PTPRN2: variants seen among roughly 807,000 people sequenced by gnomAD.
PTPRN2 encodes receptor-type tyrosine-protein phosphatase N2.
Under a neutral mutation model 118.8 loss-of-function variants are expected in PTPRN2, and 74 were observed. The ratio of observed to expected loss-of-function variants is 0.62; its 90% CI spans 0.52 to 0.76. PTPRN2 has a LOEUF of 0.76. PTPRN2 is among the 30% of genes least tolerant of loss of function. PTPRN2 has a pLI of 0.00. For missense variants in PTPRN2, 1,481 were observed against 1,394.4 expected (o/e 1.06, Z -0.99); for synonymous variants, 641 against 608.0 (o/e 1.05, Z -0.80).
intron 10 of PTPRN2, among the ~76,000 whole-genome samples, chr7:158,085,605 C>T (rs1390979698): frequency 1.5e-5 from 2 of 133,288 alleles, no homozygotes; most frequent in African/African-American, 2.9e-5. Context: ...CCCATCCACA[C>T]CCACGACGCC....
chr7:158,207,990 A>G (rs1827292131), intron 3 of PTPRN2, among the ~76,000 whole-genome samples: 1 of 152,260 alleles, frequency 6.6e-6, no homozygotes, highest in Non-Finnish European at 1.5e-5. Context: ...GTTGAAAAAC[A>G]TAACTGACCC....
intron 1 of PTPRN2, among the ~76,000 whole-genome samples, chr7:158,515,433 C>T (rs1317640606): frequency 2.6e-5 from 4 of 152,024 alleles, no homozygotes; most frequent in South Asian, 2.1e-4. Flanking sequence ...GTGATCAGCC[C>T]GCCTCAGCCT....
At chr7:158,042,352 T>C (rs1808536212) in intron 11 of PTPRN2, among the ~76,000 whole-genome samples, 1 of 152,166 alleles carries the variant, frequency 6.6e-6, no homozygotes, top group Admixed American at 6.5e-5. Flanking sequence ...CCATCAATGG[T>C]GAGCCGCTTC....
intron 1 of PTPRN2, among the ~76,000 whole-genome samples, chr7:158,587,152 G>GA (rs1828992692): frequency 8.1e-5 from 1 of 12,334 alleles, no homozygotes; most frequent in African/African-American, 3.1e-4. Flanking sequence ...CTCCCCACCC[G>GA]CCCCGTCACT....
At chr7:157,749,821 T>G (rs867628055) in intron 12 of PTPRN2, among the ~76,000 whole-genome samples, 1 of 60,084 alleles carries the variant, frequency 1.7e-5, no homozygotes, top group Non-Finnish European at 3.2e-5. Context: ...CTGGGTGATT[T>G]TGAGGCCTGC....
chr7:158,557,540 C>T (rs576306063), intron 1 of PTPRN2, among the ~76,000 whole-genome samples: 21 of 152,368 alleles, frequency 1.4e-4, no homozygotes, highest in South Asian at 4.1e-4. Context: ...TCACGGCCGC[C>T]GCTCCGCTCA....
chr7:158,531,231 G>A (rs1271771038), intron 1 of PTPRN2, among the ~76,000 whole-genome samples: 1 of 152,168 alleles, frequency 6.6e-6, no homozygotes, highest in Non-Finnish European at 1.5e-5. Context: ...CAGCGCTCAG[G>A]TAACGGCTTC....
At chr7:157,960,633 T>C (rs1801464007) in intron 11 of PTPRN2, among the ~76,000 whole-genome samples, 1 of 152,220 alleles carries the variant, frequency 6.6e-6, no homozygotes, top group South Asian at 2.1e-4. Flanking sequence ...AAATTATTCA[T>C]CCGTTAAAAT....
Position 157,622,689 on chromosome 7 carries a change from G to A in PTPRN2, c.2197-1180C>T, listed in dbSNP as rs80012374. 5.7e-3 allele frequency among the ~76,000 whole-genome samples: 870 copies of A among 152,302 alleles called. 10 individuals carry two copies. The highest frequency in any genetic ancestry group is 0.02 in the African/African-American group (822 of 41,556). On this transcript the variant is annotated intron_variant, in intron 14 of 22. Coordinates refer to ENST00000389418, the MANE Select transcript of PTPRN2 (RefSeq NM_002847.5). This position sits in a 1 kb window ranked among gnomAD's most constrained non-coding sequence, Gnocchi z 5.3. ...CATCGGGCACCTGTGCTGTTTGCGCGACACCCCCGCATCTGGGTGGGTGTG... is the reference window on the plus strand; with the variant it reads ...CATCGGGCACCTGTGCTGTTTGCGCAACACCCCCGCATCTGGGTGGGTGTG...
chr7:158,394,940 C>T (rs930215486), intron 2 of PTPRN2, among the ~76,000 whole-genome samples: 2 of 152,216 alleles, frequency 1.3e-5, no homozygotes, highest in Non-Finnish European at 2.9e-5. Flanking sequence ...ACGCGTCAGC[C>T]AGAGAAAGCC....
chr7:158,246,564 G>T (rs1027036021), intron 3 of PTPRN2, among the ~76,000 whole-genome samples: 3 of 151,310 alleles, frequency 2.0e-5, no homozygotes, highest in Non-Finnish European at 4.4e-5. Context: ...TTGTCCACGG[G>T]ATTTTTCAAA....
At chr7:157,718,093 CT>C (rs1481812971) in intron 12 of PTPRN2, among the ~76,000 whole-genome samples, 1 of 152,208 alleles carries the variant, frequency 6.6e-6, no homozygotes, top group Non-Finnish European at 1.5e-5. Context: ...TATAAATTAC[CT>C]TTTGTAATCT....
chr7:158,236,540 C>G (rs559959755), intron 3 of PTPRN2, among the ~76,000 whole-genome samples: 1 of 152,146 alleles, frequency 6.6e-6, no homozygotes, highest in Non-Finnish European at 1.5e-5. Context: ...CAGTCTGATC[C>G]CAGTCTGACA....
chr7:158,005,407 G>A (rs1265433757), intron 11 of PTPRN2, among the ~76,000 whole-genome samples: 1 of 152,098 alleles, frequency 6.6e-6, no homozygotes, highest in Non-Finnish European at 1.5e-5. Flanking sequence ...AGCTTATGGT[G>A]GCGAATATGG....
At chr7:157,547,750 G>A (rs922908882) in intron 22 of PTPRN2, among the ~76,000 whole-genome samples, 5 of 152,172 alleles carry the variant, frequency 3.3e-5, no homozygotes, top group Admixed American at 1.3e-4. Flanking sequence ...CCGCTCCCTC[G>A]TGAGGGACAG....
At position 157,953,283 on chromosome 7, in the gene PTPRN2, C is replaced by T. The variant is rs1025108597; in HGVS notation, c.1724-54546G>A. ...AGGAGAGCCGGGTGTGAGAAGCCTC[C>T]TTCCTAGGGCCTGTGTCTCTGGAGT... is the stretch of plus-strand genomic sequence containing the variant. On this transcript the variant is annotated intron_variant, in intron 11 of 22. Transcript: ENST00000389418. The surrounding 1 kb of genome is among the most constrained non-coding windows in gnomAD (Gnocchi z 4.6). Among the ~76,000 whole-genome samples the T allele has an allele frequency of 7.2e-5, 11 of 152,166 alleles. No homozygotes were observed. The highest frequency in any genetic ancestry group is 9.7e-5 in the African/African-American group (4 of 41,442).
chr7:158,585,437 T>C (rs1048779455), intron 1 of PTPRN2, among the ~76,000 whole-genome samples: 1 of 152,256 alleles, frequency 6.6e-6, no homozygotes, highest in Non-Finnish European at 1.5e-5. Flanking sequence ...GATGTCTGCA[T>C]CCTTAATGTT....
chr7:157,822,287 G>T (rs1806894519), intron 12 of PTPRN2, among the ~76,000 whole-genome samples: 1 of 145,956 alleles, frequency 6.9e-6, no homozygotes, highest in Admixed American at 6.8e-5. Flanking sequence ...ATACACTCAT[G>T]CATCCATCCA....
intron 2 of PTPRN2, among the ~76,000 whole-genome samples, chr7:158,432,288 G>A (rs1215082421): frequency 2.0e-5 from 3 of 152,218 alleles, no homozygotes; most frequent in Admixed American, 6.5e-5. Flanking sequence ...CGAAAGCACC[G>A]GGCGCTCCAG....
Sources: allele counts gnomAD v4.1 joint callset (sites outside exome capture counted in the v4.1 genomes callset), GRCh38; gene constraint gnomAD v4.1.1; non-coding constraint Gnocchi (gnomAD v3.1); transcripts MANE v1.5; gene names NCBI Gene and HGNC (gene_info 2026-07-23, HGNC 2026-07-21).